ZNF160: variants seen among roughly 807,000 people sequenced by gnomAD.
ZNF160 encodes KRAB zinc finger protein KR18.
Under a neutral mutation model 13.1 loss-of-function variants are expected in ZNF160, and 9 were observed. The ratio of observed to expected loss-of-function variants is 0.69; its 90% confidence interval spans 0.41 to 1.20. The LOEUF is 1.20. Among genes scored for constraint, ZNF160 ranks in the 50% most tolerant of loss-of-function variants. The pLI is 0.01. For synonymous variants in ZNF160, 293 were observed against 333.2 expected (o/e 0.88, Z 1.31); for missense variants, 838 against 988.0 (o/e 0.85, Z 2.04).
At chr19:53,083,269 A>G (rs1039505312) in intron 3 of ZNF160, among the ~76,000 whole-genome samples, 1 of 152,052 alleles carries the variant, frequency 6.6e-6, no homozygotes, top group Non-Finnish European at 1.5e-5. Flanking sequence ...TAAAGCCCCA[A>G]TCTTCCAATC....
At chr19:53,085,261 A>G in intron 3 of ZNF160, 1 of 954,860 alleles carries the variant, frequency 1.0e-6, no homozygotes, top group Non-Finnish European at 1.2e-6. Context: ...GCAGGTTAAC[A>G]TATCACAACC....
chr19:53,073,123 C>T, intron 5 of ZNF160: 1 of 1,243,220 alleles, frequency 8.0e-7, no homozygotes, highest in Non-Finnish European at 1.1e-6. Flanking sequence ...CAACATCTCC[C>T]TATTCCCTCC....
At chr19:53,082,587 T>C (rs574355301) in intron 3 of ZNF160, among the ~76,000 whole-genome samples, 1 of 152,306 alleles carries the variant, frequency 6.6e-6, no homozygotes, top group Non-Finnish European at 1.5e-5. Flanking sequence ...GGAGGATCAC[T>C]TGAGCCCCAG....
At chr19:53,088,640 T>TA (rs2084930300) in intron 2 of ZNF160, among the ~76,000 whole-genome samples, 1 of 152,164 alleles carries the variant, frequency 6.6e-6, no homozygotes, top group South Asian at 2.1e-4. Context: ...TTTTTTGTCT[T>TA]AAAGATGGAA....
intron 2 of ZNF160, among the ~76,000 whole-genome samples, chr19:53,086,916 G>A (rs970980664): frequency 6.6e-6 from 1 of 152,176 alleles, no homozygotes; most frequent in Non-Finnish European, 1.5e-5. Context: ...TCTCCTGTTG[G>A]GGACTTGTTC....
At position 53,069,525 on chromosome 19, in the gene ZNF160, C is replaced by A; in HGVS notation, c.1009G>T (p.Gly337Ter). The A allele has an allele frequency of 6.2e-7, 1 of 1,614,122 alleles. No individual in the cohort carries two copies. Among genetic ancestry groups the A allele is most frequent in the South Asian group, 1.1e-5 (1 of 91,078 alleles). ...YLATHRRIHT[G>*]EKPYKCNECG... ...TCATTACACTTGTAAGGTTTCTCTC[C>A]AGTATGAATTCGCCGATGAGTTGCA... is the stretch of plus-strand genomic sequence containing the variant. Residue 337 changes from glycine (G) to a stop codon, truncating the protein, a stop_gained, in exon 6 of 6, where the codon GGA becomes TGA. Transcript: ENST00000683776. LOFTEE classifies it low-confidence loss of function (END_TRUNC). The surrounding 1 kb of genome is among the most constrained non-coding windows in gnomAD (Gnocchi z 4.4).
Position 53,067,313 on chromosome 19 carries a change from T to C in ZNF160, c.*764A>G, listed in dbSNP as rs1469138119. 6.6e-6 allele frequency: 1 copy of C among 152,158 alleles called. No homozygotes were observed. The highest frequency in any genetic ancestry group is 2.4e-5 in the African/African-American group (1 of 41,442). The allele number at this position is 152,158 out of a possible 1,614,324, so 9.4% of individuals were successfully genotyped here. ...ATTTCTTTCCTCTAAGCCACAGTAC[T>C]CTCCTGGTAGGAGAAAGGCACCCTG... On this transcript the variant is annotated 3_prime_UTR_variant, in exon 6 of 6. Transcript: ENST00000683776.
chr19:53,068,717 G>A lies in ZNF160; in HGVS notation c.1817C>T (p.Ser606Leu). ...NDCGRAFSDR[S>L]SLTFHQAIHT... ...TATTGCCTGATGAAAAGTTAGGCTT[G>A]AACGATCACTAAAGGCTCTGCCACA... Residue 606 changes from serine (S) to leucine (L), a missense_variant, in exon 6 of 6, where the codon TCA becomes TTA. Transcript: ENST00000683776. The A allele has an allele frequency of 6.2e-7, 1 of 1,614,170 alleles. No individual in the cohort carries two copies. The highest frequency in any genetic ancestry group is 1.1e-5 in the South Asian group (1 of 91,072).
At chr19:53,080,847 A>T (rs961831421) in intron 3 of ZNF160, among the ~76,000 whole-genome samples, 27 of 152,238 alleles carry the variant, frequency 1.8e-4, no homozygotes, top group Non-Finnish European at 2.4e-4. Flanking sequence ...TAAACAAAAC[A>T]GCATGGTACT....
chr19:53,090,005 ATTT>A (rs1175314560), intron 2 of ZNF160, among the ~76,000 whole-genome samples: 1 of 150,908 alleles, frequency 6.6e-6, no homozygotes, highest in East Asian at 2.0e-4. Context: ...ATCTCCACAT[ATTT>A]CTGCCTCTTT....
At chr19:53,097,405 C>T (rs1277967755) in intron 1 of ZNF160, among the ~76,000 whole-genome samples, 1 of 151,600 alleles carries the variant, frequency 6.6e-6, no homozygotes, top group Non-Finnish European at 1.5e-5. Flanking sequence ...GCCCTCTGGA[C>T]TCAGACACGC....
intron 4 of ZNF160, 111 bp from the exon 5 acceptor site, chr19:53,074,379 T>C (rs1195264680): frequency 8.8e-6 from 13 of 1,485,378 alleles, no homozygotes; most frequent in Admixed American, 2.3e-5. Context: ...CAAAAATTCA[T>C]CCACTGGGCC....
At chr19:53,077,381 T>C (rs1278498933) in intron 3 of ZNF160, 1 of 151,976 alleles carries the variant, frequency 6.6e-6, no homozygotes, top group African/African-American at 2.4e-5. Flanking sequence ...GATAACGAGA[T>C]ATCAAAAGAA....
chr19:53,071,169 C>T (rs527708832), intron 5 of ZNF160, among the ~76,000 whole-genome samples: 1 of 152,202 alleles, frequency 6.6e-6, no homozygotes, highest in Admixed American at 6.5e-5. Flanking sequence ...GCACTCCAAC[C>T]TGGGCGACAA....
rs201073674 is a variant in ZNF160, at chr19:53,068,417, C to T, written c.2117G>A (p.Arg706Gln). The change falls in exon 6 of 6, where the codon CGA becomes CAA. Residue 706 changes from arginine (R) to glutamine (Q), a missense_variant. Transcript: ENST00000683776. ...QRTHTGEKPY[R>Q]CNECGKAFSV... The stretch of plus-strand genomic sequence containing the variant: ...GAAGGCTTTCCCACACTCATTGCAT[C>T]GGTAAGGTTTCTCTCCGGTGTGAGT... 497 of 1,609,084 alleles carry T rather than the reference C, an allele frequency of 3.1e-4. 4 individuals are homozygous for T. The South Asian group carries it at 4.0e-3, about 13-fold the overall frequency.
chr19:53,100,073 C>T lies in ZNF160; in HGVS notation c.-354+3192G>A, dbSNP rs1224670879. On this transcript the variant is annotated intron_variant, in intron 1 of 5. Transcript: ENST00000683776. Reference sequence around the variant, plus strand: ...CACAACATACTAATGAAACGCAGAACTGTGAAAACATGGCTATTGGTGTTG... The same window carrying T: ...CACAACATACTAATGAAACGCAGAATTGTGAAAACATGGCTATTGGTGTTG... 2.0e-5 allele frequency among the ~76,000 whole-genome samples: 3 copies of T among 152,192 alleles called. No individual in the cohort carries two copies. The East Asian group carries it at 5.8e-4, about 29-fold the overall frequency.
chr19:53,086,829 T>C (rs1274176042), intron 2 of ZNF160, among the ~76,000 whole-genome samples: 2 of 152,192 alleles, frequency 1.3e-5, no homozygotes, highest in African/African-American at 2.4e-5. Context: ...GCAAAACGCC[T>C]AGGCACTCTA....
chr19:53,075,028 C>G, intron 4 of ZNF160, 29 bp downstream of exon 4: 2 of 1,613,742 alleles, frequency 1.2e-6, no homozygotes, highest in Non-Finnish European at 1.7e-6. Flanking sequence ...AAGAACAGAT[C>G]TTGACTTCTG....
At chr19:53,098,939 T>C (rs2085340668) in intron 1 of ZNF160, among the ~76,000 whole-genome samples, 1 of 150,318 alleles carries the variant, frequency 6.7e-6, no homozygotes, top group East Asian at 1.9e-4. Context: ...ACAGGAAGTT[T>C]AGACCAATTA....
Sources: allele counts gnomAD v4.1 joint callset (sites outside exome capture counted in the v4.1 genomes callset), GRCh38; gene constraint gnomAD v4.1.1; non-coding constraint Gnocchi (gnomAD v3.1); transcripts MANE v1.5; gene names NCBI Gene and HGNC (gene_info 2026-07-23, HGNC 2026-07-21).